The following NUP155 variants were observed in gnomAD, a reference collection of about 807,000 sequenced individuals.
NUP155 encodes nuclear pore complex protein Nup155.
A neutral mutation model predicts 180.4 loss-of-function variants in NUP155; 71 were observed. The observed-to-expected ratio is 0.39, with a 90% CI of 0.33 to 0.48. NUP155 has a LOEUF of 0.48. NUP155 is among the 20% of genes least tolerant of loss of function. The pLI is 0.91. For synonymous variants in NUP155, 582 were observed against 559.5 expected (o/e 1.04, Z -0.57); for missense variants, 1,553 against 1,648.9 (o/e 0.94, Z 1.01).
In NUP155 at chr5:37,296,466, C is replaced by A. The variant is rs576212427; in HGVS notation, c.3794-2001G>T. 5.9e-5 allele frequency among the ~76,000 whole-genome samples: 9 copies of A among 151,670 alleles called. No homozygotes were observed. The South Asian group carries it at 1.7e-3, about 28-fold the overall frequency. On this transcript the variant is annotated intron_variant, in intron 32 of 34. Transcript: ENST00000231498. ...TGCAAGATGTGCTTTGTTAAACAGACGCTTGAAGGCAGCATGCGGCAGCAT... is the reference window on the plus strand; with the variant it reads ...TGCAAGATGTGCTTTGTTAAACAGAAGCTTGAAGGCAGCATGCGGCAGCAT...
At chr5:37,296,866 T>C (rs1742610003) in intron 32 of NUP155, among the ~76,000 whole-genome samples, 1 of 152,162 alleles carries the variant, frequency 6.6e-6, no homozygotes, top group Non-Finnish European at 1.5e-5. Flanking sequence ...TATCTTATCA[T>C]AAACAGTAAC....
At chr5:37,360,076 C>G (rs919286283) in intron 3 of NUP155, among the ~76,000 whole-genome samples, 6 of 151,916 alleles carry the variant, frequency 3.9e-5, no homozygotes, top group African/African-American at 1.5e-4. Flanking sequence ...CAAGATGATA[C>G]CACTGCACTC....
chr5:37,356,177 C>T (rs978339794), intron 4 of NUP155, among the ~76,000 whole-genome samples: 4 of 143,122 alleles, frequency 2.8e-5, no homozygotes, highest in African/African-American at 5.2e-5. Context: ...TGCGGTGAGC[C>T]GAGATCACGC....
At chr5:37,313,304 A>G (rs927362691) in intron 22 of NUP155, among the ~76,000 whole-genome samples, 4 of 151,690 alleles carry the variant, frequency 2.6e-5, no homozygotes, top group African/African-American at 7.3e-5. Context: ...GGTGGCATGC[A>G]CCTGTAATCC....
At chr5:37,318,525 G>A (rs192730435) in intron 20 of NUP155, among the ~76,000 whole-genome samples, 1 of 149,770 alleles carries the variant, frequency 6.7e-6, no homozygotes, top group South Asian at 2.1e-4. Flanking sequence ...AATCTGAAAC[G>A]TTTTGCACAT....
intron 21 of NUP155, 72 bp from the exon 22 acceptor site, chr5:37,314,400 AGT>A: frequency 2.5e-6 from 3 of 1,192,726 alleles, no homozygotes; most frequent in Non-Finnish European, 3.6e-6. Context: ...TAAAAACTGT[AGT>A]TAAGGTTGAA....
intron 1 of NUP155, chr5:37,370,560 T>A: frequency 2.0e-6 from 2 of 977,872 alleles, no homozygotes; most frequent in Non-Finnish European, 2.9e-6. Context: ...GGCGAGAAGC[T>A]CATTAAGGTT....
intron 29 of NUP155, 94 bp from the exon 30 acceptor site, chr5:37,301,644 C>A: frequency 1.3e-6 from 1 of 790,244 alleles, no homozygotes; most frequent in Non-Finnish European, 2.3e-6. Flanking sequence ...TTTAAGTTTG[C>A]TAAAATAATG....
chr5:37,353,286 A>G (rs115592340), intron 4 of NUP155, among the ~76,000 whole-genome samples: 2 of 152,114 alleles, frequency 1.3e-5, no homozygotes, highest in Admixed American at 1.3e-4. Context: ...ACAAAATGGA[A>G]TACTACTGAA....
chr5:37,302,318 C>T (rs993226605), intron 29 of NUP155, among the ~76,000 whole-genome samples: 7 of 152,184 alleles, frequency 4.6e-5, no homozygotes, highest in African/African-American at 1.7e-4. Context: ...CTGCAACCTC[C>T]GCTTCCTGGG....
intron 12 of NUP155, among the ~76,000 whole-genome samples, chr5:37,335,016 G>A (rs551198971): frequency 6.6e-6 from 1 of 152,100 alleles, no homozygotes; most frequent in South Asian, 2.1e-4. Flanking sequence ...AAATTAGCCG[G>A]GTGTGGTGGC....
At chr5:37,298,099 C>T (rs1000031224) in intron 32 of NUP155, among the ~76,000 whole-genome samples, 5 of 151,978 alleles carry the variant, frequency 3.3e-5, no homozygotes, top group Non-Finnish European at 5.9e-5. Flanking sequence ...ATTAGCCAGG[C>T]GTGGTTGCAG....
At chr5:37,332,361 T>G (rs1345972149) in intron 13 of NUP155, among the ~76,000 whole-genome samples, 21 of 128,818 alleles carry the variant, frequency 1.6e-4, no homozygotes, top group Non-Finnish European at 3.0e-4. Context: ...TCGTACTGTC[T>G]CCCAGGCTGG....
chr5:37,339,233 G>A (rs1745553162), intron 11 of NUP155, among the ~76,000 whole-genome samples: 1 of 150,926 alleles, frequency 6.6e-6, no homozygotes, highest in Admixed American at 6.6e-5. Context: ...GATTGCTTGA[G>A]CCGGGGAGGT....
intron 8 of NUP155, among the ~76,000 whole-genome samples, chr5:37,348,950 TTCA>T (rs1446864599): frequency 6.6e-6 from 1 of 151,966 alleles, no homozygotes; most frequent in Non-Finnish European, 1.5e-5. Context: ...GAGGCAGGGT[TTCA>T]TCATGTTGGC....
At chr5:37,342,182 G>A (rs1216774389) in intron 10 of NUP155, among the ~76,000 whole-genome samples, 2 of 152,042 alleles carry the variant, frequency 1.3e-5, no homozygotes, top group Non-Finnish European at 2.9e-5. Flanking sequence ...GGTACTACAA[G>A]GCCGTGCCAT....
intron 24 of NUP155, among the ~76,000 whole-genome samples, chr5:37,308,139 G>T (rs1181379352): frequency 1.3e-5 from 2 of 151,968 alleles, no homozygotes; most frequent in Non-Finnish European, 2.9e-5. Context: ...AAAGTAAGCA[G>T]ATTATACCTT....
At chr5:37,322,706 CAAA>C (rs1172972564) in intron 20 of NUP155, among the ~76,000 whole-genome samples, 2 of 101,938 alleles carry the variant, frequency 2.0e-5, no homozygotes, top group Non-Finnish European at 4.2e-5. Flanking sequence ...GACTCTGTCT[CAAA>C]AAAAAAAAAA....
At chr5:37,364,915 T>G (rs1747457497) in intron 1 of NUP155, among the ~76,000 whole-genome samples, 3 of 151,608 alleles carry the variant, frequency 2.0e-5, no homozygotes, top group Admixed American at 1.3e-4. Context: ...GGATTACAGG[T>G]GTGAGCCACC....
Sources: allele counts gnomAD v4.1 joint callset (sites outside exome capture counted in the v4.1 genomes callset), GRCh38; gene constraint gnomAD v4.1.1; transcripts MANE v1.5; gene names NCBI Gene and HGNC (gene_info 2026-07-23, HGNC 2026-07-21).